The following CLPTM1L variants were observed in gnomAD, a reference collection of about 807,000 sequenced individuals.
CLPTM1L encodes CLPTM1 like, also known as lipid scramblase CLPTM1L.
CLPTM1L carries 38 observed loss-of-function variants against 70.9 expected under a neutral mutation model. That is an observed-to-expected ratio of 0.54 (90% confidence interval 0.41 to 0.70). CLPTM1L has a LOEUF of 0.70. CLPTM1L is among the 30% of genes least tolerant of loss of function. The pLI is 0.00. For synonymous variants in CLPTM1L, 339 were observed against 299.9 expected (o/e 1.13, Z -1.35); for missense variants, 652 against 705.9 (o/e 0.92, Z 0.87).
At chr5:1,323,063 TG>T (rs1196358181) in intron 12 of CLPTM1L, 152 bp from the exon 13 acceptor site, 2 of 782,500 alleles carry the variant, frequency 2.6e-6, no homozygotes, top group African/African-American at 3.5e-5. Flanking sequence ...GTGCTGAGCC[TG>T]GTTCTCAAGC....
intron 5 of CLPTM1L, among the ~76,000 whole-genome samples, chr5:1,337,019 T>A (rs1201057804): frequency 6.6e-6 from 1 of 152,142 alleles, no homozygotes; most frequent in Non-Finnish European, 1.5e-5. Flanking sequence ...AGGGCCCGCC[T>A]CAGAGGTCAG....
chr5:1,322,789 C>G (rs1561229184), intron 13 of CLPTM1L, 88 bp downstream of exon 13: 11 of 1,369,700 alleles, frequency 8.0e-6, no homozygotes, highest in South Asian at 3.5e-5. Flanking sequence ...CACAGGGGGG[C>G]TTGCCACACT....
chr5:1,331,903 C>T lies in CLPTM1L; in HGVS notation c.892-20G>A, dbSNP rs760448550. ...GAGAAGCTAGAGAGAACACACACGA[C>T]AGCAACTCACATCTCCTGCTGTTTC... On this transcript the variant is annotated intron_variant, in intron 7 of 16. Coordinates refer to ENST00000320895, the MANE Select transcript of CLPTM1L (RefSeq NM_030782.5). 12 of 1,590,028 alleles carry T rather than the reference C, an allele frequency of 7.5e-6. No homozygotes were observed. Among genetic ancestry groups the T allele is most frequent in the African/African-American group, 2.7e-5 (2 of 74,474 alleles).
chr5:1,343,645 G>A (rs1487375678), intron 2 of CLPTM1L, among the ~76,000 whole-genome samples: 1 of 152,176 alleles, frequency 6.6e-6, no homozygotes, highest in Non-Finnish European at 1.5e-5. Context: ...GAGGTCACAG[G>A]CCTAAAGAGG....
rs1179462513 is a variant in CLPTM1L at position 1,320,463 on chromosome 5, G to C, written c.1532+153C>G. The C allele has an allele frequency of 2.0e-5, 10 of 493,204 alleles. No homozygotes were observed. In the East Asian group the frequency reaches 3.1e-4, roughly 15 times the overall value. 30.6% of individuals were successfully genotyped at this position (493,204 alleles called of 1,614,324 possible). A position where few individuals can be genotyped will look rare whatever the true frequency, so the allele number is the denominator to read the frequency against. On this transcript the variant is annotated intron_variant, in intron 16 of 16. Transcript: ENST00000320895. ...CATATCATGGGCAACTGGAACCCAA[G>C]TTTAGGCAAGACAGGAAAAACCACC...
In CLPTM1L at chr5:1,334,300, C is replaced by A. The variant is rs761764913; in HGVS notation, c.880G>T (p.Ala294Ser). ...LYFLALTFFV[A>S]AFHLLFDFLA... ...GGTGGATGACTCACATGGAACGCTG[C>A]GACAAAGAAGGTCAGCGCCAGGAAG... Residue 294 changes from alanine (A) to serine (S), a missense_variant, in exon 7 of 17, where the codon GCA becomes TCA. By Grantham distance (99) the Ala-to-Ser change is moderately conservative (BLOSUM62 1). This residue lies in a region of CLPTM1L where 402 missense variants were observed against 388.2 expected (regional missense o/e 1.04). Transcript: ENST00000320895. 4.3e-6 allele frequency: 7 copies of A among 1,613,304 alleles called. No individual in the cohort carries two copies. The highest frequency in any genetic ancestry group is 1.7e-4 in the Middle Eastern group (1 of 6,054).
intron 10 of CLPTM1L, chr5:1,325,073 C>G (rs919239223): frequency 3.9e-5 from 22 of 571,054 alleles, no homozygotes; most frequent in African/African-American, 1.9e-5. Context: ...TCAGGTGGCT[C>G]AGTTTTCAGT....
Position 1,325,739 on chromosome 5 carries a change from A to G in CLPTM1L, c.1146+12T>C. ...AGAGGCTTGGGGTTCAGCCATTACA[A>G]CTAAATCCTACCTGAAATTCGGGCA... On this transcript the variant is annotated intron_variant, in intron 10 of 16. Transcript: ENST00000320895. 7 of 1,611,326 alleles carry G rather than the reference A, an allele frequency of 4.3e-6. No homozygotes were observed. Among genetic ancestry groups the G allele is most frequent in the Non-Finnish European group, 5.9e-6 (7 of 1,177,478 alleles).
intron 4 of CLPTM1L, 29 bp from the exon 5 acceptor site, chr5:1,338,011 C>G (rs755635634): frequency 6.4e-7 from 1 of 1,567,832 alleles, no homozygotes; most frequent in Non-Finnish European, 8.7e-7. Flanking sequence ...TTTCCAAAGT[C>G]AGCACCAAGG....
At chr5:1,321,492 G>T in intron 15 of CLPTM1L, 143 bp downstream of exon 15, 1 of 720,266 alleles carries the variant, frequency 1.4e-6, no homozygotes, top group Non-Finnish European at 2.4e-6. Context: ...TTTTAAAGGA[G>T]CCTCCTCAAT....
At chr5:1,325,903 C>CA in intron 9 of CLPTM1L, 87 bp from the exon 10 acceptor site, 1 of 1,153,072 alleles carries the variant, frequency 8.7e-7, no homozygotes, top group Non-Finnish European at 1.3e-6. Context: ...CGGGTAGGAC[C>CA]TGCTGCCCAT....
rs755624577 is a variant in CLPTM1L at position 1,334,304 on chromosome 5, AAAG to A, written c.873_875del (p.Phe292del). The A allele has an allele frequency of 6.2e-7, 1 of 1,613,774 alleles. No homozygotes were observed. The highest frequency in any genetic ancestry group is 8.5e-7 in the Non-Finnish European group (1 of 1,179,736). ...GATGACTCACATGGAACGCTGCGACAAAGAAGGTCAGCGCCAGGAAGTATAAGT... is the reference window on the plus strand; with the variant it reads ...GATGACTCACATGGAACGCTGCGACAAAGGTCAGCGCCAGGAAGTATAAGT... On this transcript the variant is annotated inframe_deletion, in exon 7 of 17. Coordinates refer to ENST00000320895, the MANE Select transcript of CLPTM1L (RefSeq NM_030782.5).
chr5:1,337,893 G>A lies in CLPTM1L; in HGVS notation c.678+11C>T, dbSNP rs1214594828. The A allele has an allele frequency of 6.3e-7, 1 of 1,584,028 alleles. No homozygotes were observed. The highest frequency in any genetic ancestry group is 8.6e-7 in the Non-Finnish European group (1 of 1,166,802). On this transcript the variant is annotated intron_variant, in intron 5 of 16. Transcript: ENST00000320895. ...CCAGCTGCACAACCAGCGGGCAGAGGTGTCACTCACCATCAGGTCCTTCAC... is the reference window on the plus strand; with the variant it reads ...CCAGCTGCACAACCAGCGGGCAGAGATGTCACTCACCATCAGGTCCTTCAC...
At chr5:1,325,649 C>A in intron 10 of CLPTM1L, 102 bp downstream of exon 10, 3 of 920,128 alleles carry the variant, frequency 3.3e-6, no homozygotes, top group South Asian at 1.4e-5. Flanking sequence ...GACAGAGGCC[C>A]GCAGTGACTC....
rs1214399388 is a variant in CLPTM1L, at chr5:1,331,829, T to C, written c.946A>G (p.Lys316Glu). 2.5e-6 allele frequency: 4 copies of C among 1,613,414 alleles called. No homozygotes were observed. In the East Asian group the frequency reaches 8.9e-5, roughly 36 times the overall value. The change falls in exon 8 of 17, where the codon AAG becomes GAG. Residue 316 changes from lysine (K) to glutamate (E), a missense_variant. Around this residue, in one of 3 missense-constraint regions of CLPTM1L, gnomAD observed 240 missense variants for 295.0 expected, o/e 0.81. Transcript: ENST00000320895. ...KNDISFWKKKKSMIGMSTKAV... is the reference protein window; with the variant it reads ...KNDISFWKKKESMIGMSTKAV... ...TTGGTGGACATGCCGATCATGCTCTTCTTCTTCTTCCAGAAACTGATGTCA... is the reference window on the plus strand; with the variant it reads ...TTGGTGGACATGCCGATCATGCTCTCCTTCTTCTTCCAGAAACTGATGTCA...
Position 1,320,740 on chromosome 5 carries a change from C to T in CLPTM1L, c.1417-9G>A, listed in dbSNP as rs1167951366. On this transcript the variant is annotated splice_polypyrimidine_tract_variant and intron_variant, in intron 15 of 16. Transcript: ENST00000320895. ...ATGAAGGTGTTGAAAGCCTGCAGGGCCAGACGGGAGGAGGGTGAACCCCAG... is the reference window on the plus strand; with the variant it reads ...ATGAAGGTGTTGAAAGCCTGCAGGGTCAGACGGGAGGAGGGTGAACCCCAG... 2.7e-6 allele frequency: 4 copies of T among 1,501,022 alleles called. No homozygotes were observed. The highest frequency in any genetic ancestry group is 3.6e-6 in the Non-Finnish European group (4 of 1,105,266). 93.0% of individuals were successfully genotyped at this position (1,501,022 alleles called of 1,614,324 possible). A position where few individuals can be genotyped will look rare whatever the true frequency, so the allele number is the denominator to read the frequency against.
At chr5:1,332,837 C>T (rs549251802) in intron 7 of CLPTM1L, among the ~76,000 whole-genome samples, 30 of 152,316 alleles carry the variant, frequency 2.0e-4, no homozygotes, top group South Asian at 6.2e-4. Flanking sequence ...TCATTCATTA[C>T]GTTATTTGAT....
At chr5:1,334,983 T>C in intron 6 of CLPTM1L, 74 bp downstream of exon 6, 1 of 1,143,650 alleles carries the variant, frequency 8.7e-7, no homozygotes, top group Non-Finnish European at 1.3e-6. Flanking sequence ...CCGGCCTGTG[T>C]CAGGATTCGC....
At chr5:1,337,125 C>T (rs1753623733) in intron 5 of CLPTM1L, among the ~76,000 whole-genome samples, 1 of 152,214 alleles carries the variant, frequency 6.6e-6, no homozygotes, top group Non-Finnish European at 1.5e-5. Context: ...GGCAGCGATC[C>T]TGCAGGGCCC....
Sources: gnomAD v4.1 joint callset for allele counts (sites outside exome capture counted in the v4.1 genomes callset) on GRCh38, gnomAD v4.1.1 for gene constraint, gnomAD v4.1.1 regional missense constraint, MANE v1.5 for transcripts, NCBI Gene and HGNC (gene_info 2026-07-23, HGNC 2026-07-21) for gene names.